The following CKMT2 variants were observed in gnomAD, a reference collection of about 807,000 sequenced individuals.
CKMT2 encodes creatine kinase, mitochondrial 2.
Under a neutral mutation model 48.9 loss-of-function variants are expected in CKMT2, and 43 were observed. The observed-to-expected ratio is 0.88, with a 90% confidence interval of 0.69 to 1.13. CKMT2 has a LOEUF of 1.13. CKMT2 is among the 50% of genes most tolerant of loss of function. CKMT2 has a pLI of 0.00. For synonymous variants in CKMT2, 206 were observed against 213.0 expected (o/e 0.97, Z 0.29); for missense variants, 472 against 555.4 (o/e 0.85, Z 1.51).
intron 8 of CKMT2, among the ~76,000 whole-genome samples, chr5:81,262,139 T>G (rs919001390): frequency 6.6e-6 from 1 of 152,212 alleles, no homozygotes; most frequent in African/African-American, 2.4e-5. Flanking sequence ...GCTAGCCATA[T>G]GCAGAAAACT....
chr5:81,257,039 A>G (rs1757034942), intron 6 of CKMT2, 39 bp downstream of exon 6: 2 of 1,560,488 alleles, frequency 1.3e-6, no homozygotes, highest in Non-Finnish European at 1.8e-6. Flanking sequence ...ATATCTGTAG[A>G]GGATGTTTTT....
chr5:81,250,173 T>G (rs1012788904), intron 1 of CKMT2, among the ~76,000 whole-genome samples: 2 of 152,362 alleles, frequency 1.3e-5, no homozygotes, highest in Middle Eastern at 3.4e-3. Flanking sequence ...TGCTACATTC[T>G]GAGTAATTTC....
rs750690898 is a variant in CKMT2 at position 81,254,420 on chromosome 5, G to T, written c.376G>T (p.Val126Phe). ...GGTGTTTGCTGACCTTTTTGACCCC[G>T]TCATCAAACTAAGACACAACGGCTA... ...YEVFADLFDP[V>F]IKLRHNGYDP... The change falls in exon 4 of 10, where the codon GTC becomes TTC. Residue 126 changes from valine (V) to phenylalanine (F), a missense_variant. Physicochemically the swap from Val to Phe is conservative, Grantham distance 50. Coordinates refer to ENST00000254035, the MANE Select transcript of CKMT2 (RefSeq NM_001099735.2). 16 of 1,613,932 alleles carry T rather than the reference G, an allele frequency of 9.9e-6. No homozygotes were observed. The highest frequency in any genetic ancestry group is 1.2e-5 in the Non-Finnish European group (14 of 1,179,978).
At chr5:81,258,221 C>G (rs541807441) in intron 7 of CKMT2, among the ~76,000 whole-genome samples, 5 of 150,374 alleles carry the variant, frequency 3.3e-5, no homozygotes, top group Non-Finnish European at 7.4e-5. Flanking sequence ...TTTGGATGAG[C>G]CACCACGCCC....
intron 1 of CKMT2, among the ~76,000 whole-genome samples, chr5:81,240,909 T>G (rs1223785277): frequency 6.6e-6 from 1 of 152,188 alleles, no homozygotes; most frequent in Middle Eastern, 3.2e-3. Context: ...TCCCCAGGAC[T>G]GCTGGTATTT....
intron 1 of CKMT2, chr5:81,237,558 A>T (rs141317527): frequency 6.6e-6 from 1 of 152,186 alleles, no homozygotes; most frequent in African/African-American, 2.4e-5. Context: ...ACACACATCA[A>T]AATTTTCTTT....
At chr5:81,251,031 C>A (rs1019119199) in intron 1 of CKMT2, 82 bp from the exon 2 acceptor site, 1 of 983,224 alleles carries the variant, frequency 1.0e-6, no homozygotes, top group Non-Finnish European at 1.5e-6. Flanking sequence ...ATGGCTCCTG[C>A]AGTTCTCTTG....
intron 7 of CKMT2, among the ~76,000 whole-genome samples, chr5:81,258,387 T>C (rs771974846): frequency 5.9e-5 from 9 of 152,210 alleles, no homozygotes; most frequent in Non-Finnish European, 1.0e-4. Context: ...ATTTATTTAA[T>C]ATCGCTCTGA....
At position 81,237,222 on chromosome 5, in the gene CKMT2, G is replaced by A. The variant is rs147827423; in HGVS notation, c.-21+3845G>A. ...AGCATTCAGAAAAGGGGCAGGCCGA[G>A]TGCTGGCTGGAATAATCAGGTGTGG... On this transcript the variant is annotated intron_variant, in intron 1 of 9. Coordinates refer to ENST00000254035, the MANE Select transcript of CKMT2 (RefSeq NM_001099735.2). 3.7e-3 allele frequency among the ~76,000 whole-genome samples: 565 copies of A among 152,328 alleles called. 1 individual carries two copies. Among genetic ancestry groups the A allele is most frequent in the Non-Finnish European group, 5.9e-3 (400 of 68,038 alleles).
At position 81,266,119 on chromosome 5, in the gene CKMT2, C is replaced by T. The variant is rs1453839600; in HGVS notation, c.1141-20C>T. 1.2e-6 allele frequency: 2 copies of T among 1,608,846 alleles called. No individual in the cohort carries two copies. The highest frequency in any genetic ancestry group is 3.3e-5 in the Admixed American group (2 of 59,874). ...GATGCTTCTATTCAAATTAATCATT[C>T]ATCTTCTTCACTGTCAAAGGTTGAG... On this transcript the variant is annotated intron_variant, in intron 9 of 9. Transcript: ENST00000254035.
intron 2 of CKMT2, among the ~76,000 whole-genome samples, chr5:81,251,536 C>T (rs1332693549): frequency 4.6e-5 from 7 of 152,032 alleles, no homozygotes; most frequent in African/African-American, 1.2e-4. Context: ...TGTTGTGAGC[C>T]GAGATCGCGC....
At chr5:81,257,955 T>C in intron 7 of CKMT2, 99 bp downstream of exon 7, 1 of 1,218,504 alleles carries the variant, frequency 8.2e-7, no homozygotes, top group Non-Finnish European at 1.1e-6. Context: ...AAGATGGAGC[T>C]AATTTTTTTC....
chr5:81,254,171 T>A (rs1488396905), intron 3 of CKMT2, among the ~76,000 whole-genome samples: 1 of 152,194 alleles, frequency 6.6e-6, no homozygotes, highest in East Asian at 1.9e-4. Flanking sequence ...CCACCCTATC[T>A]CAAGGGGCAA....
chr5:81,259,110 C>T lies in CKMT2; in HGVS notation c.880-10C>T, dbSNP rs570911852. The T allele has an allele frequency of 6.2e-7, 1 of 1,607,614 alleles. No homozygotes were observed. Among genetic ancestry groups the T allele is most frequent in the Non-Finnish European group, 8.5e-7 (1 of 1,176,684 alleles). ...ATGCTGTCATTTGTTCACTGTGGTT[C>T]TACTTGTAGGTAGAACGGTTAATCC... On this transcript the variant is annotated splice_polypyrimidine_tract_variant and intron_variant, in intron 7 of 9. Coordinates refer to ENST00000254035, the MANE Select transcript of CKMT2 (RefSeq NM_001099735.2).
At chr5:81,248,689 T>C (rs1020794432) in intron 1 of CKMT2, among the ~76,000 whole-genome samples, 4 of 152,214 alleles carry the variant, frequency 2.6e-5, no homozygotes, top group Admixed American at 1.3e-4. Flanking sequence ...GGCTTTAGAA[T>C]TGAAAGAATT....
intron 7 of CKMT2, 182 bp downstream of exon 7, chr5:81,258,038 T>G: frequency 2.1e-6 from 1 of 484,594 alleles, no homozygotes; most frequent in South Asian, 2.7e-5. Context: ...TAGCTGGGAT[T>G]ACAGGTGCCA....
rs970483986 is a variant in CKMT2, at chr5:81,248,946, C to G, written c.-20-2167C>G. Among the ~76,000 whole-genome samples, 2 of 152,126 alleles carry G rather than the reference C, an allele frequency of 1.3e-5. 1 individual carries two copies. The highest frequency in any genetic ancestry group is 2.9e-5 in the Non-Finnish European group (2 of 68,022). ...ACTGGATGGCCCAGGTTTTCAGCTA[C>G]AGCCTTACACATCAGCAAGTTCTTT... On this transcript the variant is annotated intron_variant, in intron 1 of 9. Coordinates refer to ENST00000254035, the MANE Select transcript of CKMT2 (RefSeq NM_001099735.2).
At chr5:81,237,850 G>A (rs538305080) in intron 1 of CKMT2, 16 of 152,152 alleles carry the variant, frequency 1.1e-4, no homozygotes, top group African/African-American at 3.6e-4. Context: ...TGTCACAGAT[G>A]GGCCTCCAGG....
chr5:81,254,327 G>A, intron 3 of CKMT2, 69 bp from the exon 4 acceptor site: 2 of 1,365,298 alleles, frequency 1.5e-6, no homozygotes, highest in Non-Finnish European at 2.1e-6. Flanking sequence ...CAAGGGGCAA[G>A]TGAATGGAAA....
Sources: gnomAD v4.1 joint callset for allele counts (sites outside exome capture counted in the v4.1 genomes callset) on GRCh38, gnomAD v4.1.1 for gene constraint, MANE v1.5 for transcripts, NCBI Gene and HGNC (gene_info 2026-07-23, HGNC 2026-07-21) for gene names.